Variants in ATP1A1 observed in about 807,000 individuals in gnomAD.
ATP1A1 encodes the protein ATPase Na+/K+ transporting subunit alpha 1, also known as sodium/potassium-transporting ATPase subunit alpha-1.
A neutral mutation model predicts 114.8 loss-of-function variants in ATP1A1; 14 were observed. The observed-to-expected ratio is 0.12, with a 90% CI of 0.08 to 0.19. The LOEUF (loss-of-function observed/expected upper bound fraction) is 0.19, where lower values mean the gene tolerates loss of function less well. ATP1A1 is among the 10% of genes least tolerant of loss of function. The probability of loss-of-function intolerance (pLI) is 1.00; values close to 1 mark genes in which losing one functional copy is unlikely to be tolerated. For synonymous variants in ATP1A1, 471 were observed against 466.3 expected (o/e 1.01, Z -0.13); for missense variants, 524 against 1,290.7 (o/e 0.41, Z 9.10).
Position 116,401,327 on chromosome 1 carries a change from G to A in ATP1A1, c.2849+67G>A. On this transcript the variant is annotated intron_variant, in intron 20 of 22. Transcript: ENST00000295598. The surrounding 1 kb of genome is among the most constrained non-coding windows in gnomAD (Gnocchi z 4.7). ...GGGACTGGTGATTTGTAAACCCTTT[G>A]CCAAAAACTAAACATATGACACATA... The A allele has an allele frequency of 6.2e-7, 1 of 1,603,994 alleles. No individual in the cohort carries two copies. The highest frequency in any genetic ancestry group is 1.1e-5 in the South Asian group (1 of 90,704).
Position 116,373,465 on chromosome 1 carries a change from G to C in ATP1A1, c.-47G>C, listed in dbSNP as rs1289453986. On this transcript the variant is annotated 5_prime_UTR_variant, in exon 1 of 23. Transcript: ENST00000295598. ...GGAGCTGCTCTGTGCTTTTCTCTCT[G>C]ATTCTCCAGCGACAGGACCCGGCGC... 1 of 1,511,572 alleles carries C rather than the reference G, an allele frequency of 6.6e-7. No individual in the cohort carries two copies. Among genetic ancestry groups the C allele is most frequent in the Non-Finnish European group, 8.8e-7 (1 of 1,130,264 alleles). 93.6% of individuals were successfully genotyped at this position (1,511,572 alleles called of 1,614,324 possible).
In ATP1A1 at chr1:116,389,719, G is replaced by C. The variant is rs1014203894; in HGVS notation, c.1023+12G>C. On this transcript the variant is annotated intron_variant, in intron 8 of 22. Coordinates refer to ENST00000295598, the MANE Select transcript of ATP1A1 (RefSeq NM_000701.8). The surrounding 1 kb of genome is among the most constrained non-coding windows in gnomAD (Gnocchi z 6.9). ...TGGCCACTGTCACGGTAAGAGGCAG[G>C]TGATGGTCACCCTGACTCAGATCAG... 1 of 1,613,870 alleles carries C rather than the reference G, an allele frequency of 6.2e-7. No homozygotes were observed. The highest frequency in any genetic ancestry group is 1.1e-5 in the South Asian group (1 of 91,068).
At chr1:116,375,762 G>A (rs1398698026) in intron 1 of ATP1A1, among the ~76,000 whole-genome samples, 1 of 152,218 alleles carries the variant, frequency 6.6e-6, no homozygotes, top group African/African-American at 2.4e-5. Flanking sequence ...TAAAATGTGG[G>A]TGGAGAGTGA....
At chr1:116,382,383 T>C (rs575516943) in intron 1 of ATP1A1, 2 of 152,202 alleles carry the variant, frequency 1.3e-5, no homozygotes, top group South Asian at 4.1e-4. Context: ...CTTGTATGTG[T>C]TACTATTTTT....
At position 116,397,935 on chromosome 1, in the gene ATP1A1, C is replaced by A; in HGVS notation, c.2021C>A (p.Thr674Asn). The A allele has an allele frequency of 1.2e-6, 2 of 1,613,380 alleles. No homozygotes were observed. Among genetic ancestry groups the A allele is most frequent in the Non-Finnish European group, 1.7e-6 (2 of 1,179,926 alleles). Reference protein sequence around the residue: ...VVHGSDLKDMTSEQLDDILKY... With the variant: ...VVHGSDLKDMNSEQLDDILKY... ...CACGGCAGTGATCTAAAGGACATGA[C>A]CTCCGAGCAGCTGGATGACATTTTG... Residue 674 changes from threonine to asparagine, a missense_variant, in exon 15 of 23, where the codon ACC becomes AAC. Around this residue, in one of 8 missense-constraint regions of ATP1A1, gnomAD observed 47 missense variants for 79.8 expected, o/e 0.59. Coordinates refer to ENST00000295598, the MANE Select transcript of ATP1A1 (RefSeq NM_000701.8). The surrounding 1 kb of genome is among the most constrained non-coding windows in gnomAD (Gnocchi z 4.2).
rs138128616 is a variant in ATP1A1 at position 116,387,113 on chromosome 1, G to A, written c.184-175G>A. On this transcript the variant is annotated intron_variant, in intron 3 of 22. Transcript: ENST00000295598. The surrounding 1 kb of genome is among the most constrained non-coding windows in gnomAD (Gnocchi z 6.7). ...TGTTTGCCTGAACCCTGTGGGGACT[G>A]GCTCATCAGCAGAATTATTCATGGA... 1.2e-3 allele frequency among the ~76,000 whole-genome samples: 177 copies of A among 152,282 alleles called. No homozygotes were observed. The highest frequency in any genetic ancestry group is 4.2e-3 in the African/African-American group (174 of 41,542).
rs899374222 is a variant in ATP1A1 at position 116,389,210 on chromosome 1, G to A, written c.754+191G>A. Among the ~76,000 whole-genome samples the A allele has an allele frequency of 4.6e-5, 7 of 152,126 alleles. No individual in the cohort carries two copies. Among genetic ancestry groups the A allele is most frequent in the African/African-American group, 1.7e-4 (7 of 41,420 alleles). The stretch of plus-strand genomic sequence containing the variant: ...TTTCCCTTCCCTCCACCTCCACCCT[G>A]CCTCTTCTGTCAACAACACCAGTCT... On this transcript the variant is annotated intron_variant, in intron 7 of 22. Coordinates refer to ENST00000295598, the MANE Select transcript of ATP1A1 (RefSeq NM_000701.8). This position sits in a 1 kb window ranked among gnomAD's most constrained non-coding sequence, Gnocchi z 6.9.
chr1:116,379,691 T>C (rs1034263338), intron 1 of ATP1A1, among the ~76,000 whole-genome samples: 7 of 152,230 alleles, frequency 4.6e-5, no homozygotes, highest in African/African-American at 1.7e-4. Context: ...ATGGCAGTAA[T>C]GTATATGTTA....
chr1:116,373,917 C>T, intron 1 of ATP1A1: 1 of 1,309,996 alleles, frequency 7.6e-7, no homozygotes, highest in Non-Finnish European at 9.7e-7. Flanking sequence ...GCCTGGCTCC[C>T]CTCCCTGCGA....
In ATP1A1 at chr1:116,395,815, G is replaced by A. The variant is rs917560754; in HGVS notation, c.1836+530G>A. On this transcript the variant is annotated intron_variant, in intron 13 of 22. Coordinates refer to ENST00000295598, the MANE Select transcript of ATP1A1 (RefSeq NM_000701.8). The surrounding 1 kb of genome is among the most constrained non-coding windows in gnomAD (Gnocchi z 6.4). ...TGCCCAGGCTGGAATGTCATAGCACGATCTCGGCTCACTGCAACCTCCGCC... is the reference window on the plus strand; with the variant it reads ...TGCCCAGGCTGGAATGTCATAGCACAATCTCGGCTCACTGCAACCTCCGCC... Among the ~76,000 whole-genome samples, 1 of 152,024 alleles carries A rather than the reference G, an allele frequency of 6.6e-6. No homozygotes were observed. Among genetic ancestry groups the A allele is most frequent in the Non-Finnish European group, 1.5e-5 (1 of 68,002 alleles).
At position 116,397,934 on chromosome 1, in the gene ATP1A1, A is replaced by G; in HGVS notation, c.2020A>G (p.Thr674Ala). 2 of 1,612,774 alleles carry G rather than the reference A, an allele frequency of 1.2e-6. No individual in the cohort carries two copies. Among genetic ancestry groups the G allele is most frequent in the Non-Finnish European group, 1.7e-6 (2 of 1,179,850 alleles). Residue 674 changes from threonine to alanine, a missense_variant, in exon 15 of 23, where the codon ACC becomes GCC. Thr to Ala is a moderately conservative substitution (Grantham distance 58, BLOSUM62 0). Around this residue, in one of 8 missense-constraint regions of ATP1A1, gnomAD observed 47 missense variants for 79.8 expected, o/e 0.59. Coordinates refer to ENST00000295598, the MANE Select transcript of ATP1A1 (RefSeq NM_000701.8). The surrounding 1 kb of genome is among the most constrained non-coding windows in gnomAD (Gnocchi z 4.2). The stretch of plus-strand genomic sequence containing the variant: ...ACACGGCAGTGATCTAAAGGACATG[A>G]CCTCCGAGCAGCTGGATGACATTTT... Reference protein sequence around the residue: ...VVHGSDLKDMTSEQLDDILKY... With the variant: ...VVHGSDLKDMASEQLDDILKY...
Position 116,384,671 on chromosome 1 carries a change from C to A in ATP1A1, c.124-112C>A. 1 of 946,434 alleles carries A rather than the reference C, an allele frequency of 1.1e-6. No homozygotes were observed. The highest frequency in any genetic ancestry group is 1.6e-6 in the Non-Finnish European group (1 of 627,974). 58.6% of individuals were successfully genotyped at this position (946,434 alleles called of 1,614,324 possible). On this transcript the variant is annotated intron_variant, in intron 2 of 22. Transcript: ENST00000295598. The surrounding 1 kb of genome is among the most constrained non-coding windows in gnomAD (Gnocchi z 5.1). ...GTACCAACTTATGCACTGAAGAAAA[C>A]ATCTGCACTTTGTTTAATAAGCTTA... is the stretch of plus-strand genomic sequence containing the variant.
At chr1:116,374,385 C>T in intron 1 of ATP1A1, 2 of 1,197,966 alleles carry the variant, frequency 1.7e-6, no homozygotes, top group Non-Finnish European at 2.4e-6. Flanking sequence ...GCAGACCCAC[C>T]AGGGCCTCAG....
At chr1:116,374,451 C>T (rs1651218961) in intron 1 of ATP1A1, among the ~76,000 whole-genome samples, 1 of 152,160 alleles carries the variant, frequency 6.6e-6, no homozygotes, top group Non-Finnish European at 1.5e-5. Context: ...TGGTAGGAAT[C>T]TCTGCCGGTT....
intron 1 of ATP1A1, among the ~76,000 whole-genome samples, chr1:116,379,189 G>A (rs1364295123): frequency 6.6e-6 from 1 of 152,202 alleles, no homozygotes; most frequent in Non-Finnish European, 1.5e-5. Flanking sequence ...GGAACCTGCT[G>A]GCTAGAACTG....
chr1:116,398,187 A>G lies in ATP1A1; in HGVS notation c.2124+149A>G, dbSNP rs754375453. On this transcript the variant is annotated intron_variant, in intron 15 of 22. Coordinates refer to ENST00000295598, the MANE Select transcript of ATP1A1 (RefSeq NM_000701.8). This position sits in a 1 kb window ranked among gnomAD's most constrained non-coding sequence, Gnocchi z 6.1. ...AGGCCAGTAGGAAGCTCATAGGCAT[A>G]GAGAGGGTGACTTGTTAATGGTTTA... 1.4e-4 allele frequency: 164 copies of G among 1,167,380 alleles called. No individual in the cohort carries two copies. Among genetic ancestry groups the G allele is most frequent in the Non-Finnish European group, 1.3e-4 (113 of 849,012 alleles). 72.3% of individuals were successfully genotyped at this position (1,167,380 alleles called of 1,614,324 possible).
At chr1:116,377,698 ACTT>A (rs1209394546) in intron 1 of ATP1A1, among the ~76,000 whole-genome samples, 2 of 152,168 alleles carry the variant, frequency 1.3e-5, no homozygotes, top group African/African-American at 4.8e-5. Context: ...TGCTGTGCTG[ACTT>A]CTTCTAGCTG....
rs138190642 is a variant in ATP1A1 at position 116,397,072 on chromosome 1, C to T, written c.1973+338C>T. Reference sequence around the variant, plus strand: ...CAGCAGTCTAGCTTCTGATTTCATGCTGTTAACCACTGAGCTCTACTGCCT... The same window carrying T: ...CAGCAGTCTAGCTTCTGATTTCATGTTGTTAACCACTGAGCTCTACTGCCT... On this transcript the variant is annotated intron_variant, in intron 14 of 22. Transcript: ENST00000295598. This position sits in a 1 kb window ranked among gnomAD's most constrained non-coding sequence, Gnocchi z 4.2. 5.6e-4 allele frequency among the ~76,000 whole-genome samples: 86 copies of T among 152,302 alleles called. 1 individual carries two copies. The East Asian group carries it at 0.013, about 23-fold the overall frequency.
At position 116,393,445 on chromosome 1, in the gene ATP1A1, C is replaced by A. The variant is rs1215739673; in HGVS notation, c.1468-86C>A. On this transcript the variant is annotated intron_variant, in intron 11 of 22. Transcript: ENST00000295598. This position sits in a 1 kb window ranked among gnomAD's most constrained non-coding sequence, Gnocchi z 5.0. The stretch of plus-strand genomic sequence containing the variant: ...GATCTTGGGTCTTTTATAGCAAATA[C>A]TAAATAGTAAGTGAAGCTTTGTTTT... 1.4e-6 allele frequency: 2 copies of A among 1,408,296 alleles called. No homozygotes were observed. The highest frequency in any genetic ancestry group is 2.9e-5 in the African/African-American group (2 of 69,330). The allele number at this position is 1,408,296 out of a possible 1,614,324, so 87.2% of individuals were successfully genotyped here. A position where few individuals can be genotyped will look rare whatever the true frequency, so the allele number is the denominator to read the frequency against.
Sources: allele counts gnomAD v4.1 joint callset (sites outside exome capture counted in the v4.1 genomes callset), GRCh38; gene constraint gnomAD v4.1.1; regional missense constraint gnomAD v4.1.1; non-coding constraint Gnocchi (gnomAD v3.1); transcripts MANE v1.5; gene names NCBI Gene and HGNC (gene_info 2026-07-23, HGNC 2026-07-21).